KCNN3: variants seen among roughly 807,000 people sequenced by gnomAD.
The protein encoded by KCNN3 is small conductance calcium-activated potassium channel protein 3.
Under a neutral mutation model 62.9 loss-of-function variants are expected in KCNN3, and 16 were observed. The observed-to-expected ratio is 0.25, with a 90% CI of 0.17 to 0.39. The LOEUF (loss-of-function observed/expected upper bound fraction) is 0.39, where lower values mean the gene tolerates loss of function less well. Among genes scored for constraint, KCNN3 ranks in the 10% least tolerant of loss-of-function variants. The pLI is 1.00. For missense variants in KCNN3, 599 were observed against 949.4 expected (o/e 0.63, Z 4.85); for synonymous variants, 370 against 389.2 (o/e 0.95, Z 0.58).
chr1:154,785,941 A>C (rs1163276952), intron 2 of KCNN3, among the ~76,000 whole-genome samples: 1 of 152,112 alleles, frequency 6.6e-6, no homozygotes, highest in Admixed American at 6.5e-5. Flanking sequence ...TGAGTCTCAC[A>C]ATAGCCCCAT....
intron 1 of KCNN3, among the ~76,000 whole-genome samples, chr1:154,826,034 G>A (rs1367012092): frequency 1.5e-5 from 2 of 135,568 alleles, no homozygotes; most frequent in Non-Finnish European, 3.0e-5. Flanking sequence ...GGTGAAGAGC[G>A]AGACTCCATC....
chr1:154,842,568 C>T (rs6691945), intron 1 of KCNN3, among the ~76,000 whole-genome samples: 47,309 of 151,328 alleles, frequency 0.31, 7,827 homozygotes, highest in African/African-American at 0.37. Flanking sequence ...CTGCAGCCTC[C>T]ACTGGCTGCT....
chr1:154,720,016 G>A (rs1009487690), intron 5 of KCNN3, among the ~76,000 whole-genome samples: 2 of 152,210 alleles, frequency 1.3e-5, no homozygotes, highest in African/African-American at 4.8e-5. Context: ...ATGGGTGGTG[G>A]ATAATTCTAT....
At position 154,771,951 on chromosome 1, in the gene KCNN3, C is replaced by T. The variant is rs367917404; in HGVS notation, c.1448+24G>A. 685 of 1,612,952 alleles carry T rather than the reference C, an allele frequency of 4.2e-4. 6 individuals carry two copies. In the South Asian group the frequency reaches 7.0e-3, roughly 16 times the overall value. ...TCCCTGTCCCAGCACAGGCTCTGTACTCAGAAAGCCCCATGTGGAATACCT... is the reference window on the plus strand; with the variant it reads ...TCCCTGTCCCAGCACAGGCTCTGTATTCAGAAAGCCCCATGTGGAATACCT... On this transcript the variant is annotated intron_variant, in intron 3 of 7. Coordinates refer to ENST00000271915, the MANE Select transcript of KCNN3 (RefSeq NM_002249.6).
At chr1:154,784,511 C>T (rs575364566) in intron 2 of KCNN3, among the ~76,000 whole-genome samples, 2 of 152,352 alleles carry the variant, frequency 1.3e-5, no homozygotes, top group South Asian at 2.1e-4. Flanking sequence ...AGCGTCCCAC[C>T]CTTCCACAGG....
rs549328325 is a variant in KCNN3, at chr1:154,858,809, G to A, written c.933+10223C>T. Among the ~76,000 whole-genome samples, 13 of 150,306 alleles carry A rather than the reference G, an allele frequency of 8.6e-5. No individual in the cohort carries two copies. In the South Asian group the frequency reaches 1.5e-3, roughly 17 times the overall value. On this transcript the variant is annotated intron_variant, in intron 1 of 7. Coordinates refer to ENST00000271915, the MANE Select transcript of KCNN3 (RefSeq NM_002249.6). ...TGGTCTTGAGGTCCTGGACTCAACC[G>A]ATCCTCCCGCCTCAGCCTCCCAAAG...
chr1:154,742,588 T>C (rs1046469529), intron 3 of KCNN3, among the ~76,000 whole-genome samples: 4 of 152,226 alleles, frequency 2.6e-5, no homozygotes, highest in Admixed American at 6.5e-5. Context: ...GTGTCTATGG[T>C]TAGCCTTGGC....
intron 2 of KCNN3, among the ~76,000 whole-genome samples, chr1:154,814,087 T>C (rs1650555936): frequency 1.3e-5 from 2 of 152,192 alleles, no homozygotes; most frequent in East Asian, 3.9e-4. Flanking sequence ...GGGAGGGCCA[T>C]GGTGGGCATG....
At position 154,869,262 on chromosome 1, in the gene KCNN3, G is replaced by A. The variant is rs937986284; in HGVS notation, c.703C>T (p.His235Tyr). 1 of 1,613,946 alleles carries A rather than the reference G, an allele frequency of 6.2e-7. No homozygotes were observed. Among genetic ancestry groups the A allele is most frequent in the African/African-American group, 1.3e-5 (1 of 74,970 alleles). The change falls in exon 1 of 8, where the codon CAT (histidine) becomes TAT (tyrosine). Residue 235 changes from histidine (H) to tyrosine (Y), a missense_variant. This residue lies in a region of KCNN3 where 80 missense variants were observed against 85.4 expected (regional missense o/e 0.94). Coordinates refer to ENST00000271915, the MANE Select transcript of KCNN3 (RefSeq NM_002249.6). This position sits in a 1 kb window ranked among gnomAD's most constrained non-coding sequence, Gnocchi z 6.1. ...EDNHAHQTLL[H>Y]HPNATHNHQH... ...TGGTTGTGGGTGGCATTAGGGTGAT[G>A]GAGCAGGGTCTGGTGGGCATGGTTG... is the stretch of plus-strand genomic sequence containing the variant.
intron 1 of KCNN3, among the ~76,000 whole-genome samples, chr1:154,838,551 C>T (rs529703058): frequency 2.0e-5 from 3 of 152,284 alleles, no homozygotes; most frequent in South Asian, 2.1e-4. Flanking sequence ...ACTAAGCTTT[C>T]GTTTCCCTCA....
chr1:154,811,638 C>T (rs145679230), intron 2 of KCNN3, among the ~76,000 whole-genome samples: 54 of 152,218 alleles, frequency 3.5e-4, no homozygotes, highest in African/African-American at 1.0e-3. Context: ...AAAGGTAAAT[C>T]GGGGCAGTTC....
At chr1:154,847,194 C>T (rs555499478) in intron 1 of KCNN3, among the ~76,000 whole-genome samples, 3 of 152,096 alleles carry the variant, frequency 2.0e-5, no homozygotes, top group African/African-American at 7.2e-5. Context: ...CTCCTGGAAC[C>T]CTCCTCACTA....
chr1:154,776,620 C>T (rs955074379), intron 2 of KCNN3, among the ~76,000 whole-genome samples: 4 of 152,146 alleles, frequency 2.6e-5, no homozygotes, highest in African/African-American at 9.7e-5. Context: ...AGTGTGGCCT[C>T]GCTCCCTCCC....
chr1:154,819,132 C>T (rs1406618808), intron 2 of KCNN3, among the ~76,000 whole-genome samples: 1 of 152,212 alleles, frequency 6.6e-6, no homozygotes, highest in East Asian at 1.9e-4. Context: ...TGGAAGGGTG[C>T]TTGCTAAGCA....
intron 1 of KCNN3, among the ~76,000 whole-genome samples, chr1:154,827,681 C>A (rs980042958): frequency 6.6e-6 from 1 of 152,082 alleles, no homozygotes. Flanking sequence ...AGCCTGTAGT[C>A]TCAGCTTCTC....
At chr1:154,860,502 C>A (rs1378862429) in intron 1 of KCNN3, among the ~76,000 whole-genome samples, 1 of 152,182 alleles carries the variant, frequency 6.6e-6, no homozygotes, top group Non-Finnish European at 1.5e-5. Context: ...TAACAGGGCC[C>A]CATGGGGTAA....
Position 154,702,700 on chromosome 1 carries a change from G to GAT in KCNN3, c.*5274_*5275dup, listed in dbSNP as rs67091748. The GAT allele has an allele frequency of 2.4e-3, 102 of 43,060 alleles. 2 individuals are homozygous for GAT. The highest frequency in any genetic ancestry group is 3.4e-3 in the Non-Finnish European group (67 of 19,800). 2.7% of individuals were successfully genotyped at this position (43,060 alleles called of 1,614,324 possible). On this transcript the variant is annotated 3_prime_UTR_variant, in exon 8 of 8. Transcript: ENST00000271915. ...ACGTTGGCTGCTTCGATCTGATTCA[G>GAT]ATATATATATATATATATATATATA...
chr1:154,720,268 G>A lies in KCNN3; in HGVS notation c.1702-5265C>T, dbSNP rs562136849. On this transcript the variant is annotated intron_variant, in intron 5 of 7. Coordinates refer to ENST00000271915, the MANE Select transcript of KCNN3 (RefSeq NM_002249.6). ...CCCTAAGGGTCCTTCCAGCTTAAACGCACATTGTTTCTGTGACTATTGCTA... is the reference window on the plus strand; with the variant it reads ...CCCTAAGGGTCCTTCCAGCTTAAACACACATTGTTTCTGTGACTATTGCTA... Among the ~76,000 whole-genome samples, 38 of 152,272 alleles carry A rather than the reference G, an allele frequency of 2.5e-4. 1 individual carries two copies. The Middle Eastern group carries it at 0.01, about 41-fold the overall frequency.
At chr1:154,741,032 T>C (rs927061841) in intron 3 of KCNN3, among the ~76,000 whole-genome samples, 5 of 152,250 alleles carry the variant, frequency 3.3e-5, no homozygotes, top group African/African-American at 1.2e-4. Flanking sequence ...TATTTGGTTT[T>C]TGCAGAAATC....
Sources: allele counts gnomAD v4.1 joint callset (sites outside exome capture counted in the v4.1 genomes callset), GRCh38; gene constraint gnomAD v4.1.1; regional missense constraint gnomAD v4.1.1; non-coding constraint Gnocchi (gnomAD v3.1); transcripts MANE v1.5; gene names NCBI Gene and HGNC (gene_info 2026-07-23, HGNC 2026-07-21).